CCNY: variants seen among roughly 807,000 people sequenced by gnomAD.
CCNY encodes cyclin Y.
A neutral mutation model predicts 42.8 loss-of-function variants in CCNY; 19 were observed. That is an observed-to-expected ratio of 0.44 (90% CI 0.31 to 0.65). The LOEUF is 0.65. Ranked by LOEUF, CCNY falls within the 30% of genes least tolerant of loss-of-function variation. CCNY has a pLI of 0.07. For missense variants in CCNY, 370 were observed against 437.3 expected (o/e 0.85, Z 1.37); for synonymous variants, 165 against 162.7 (o/e 1.01, Z -0.11).
chr10:35,500,727 C>G (rs1487951465), intron 2 of CCNY, among the ~76,000 whole-genome samples: 1 of 152,220 alleles, frequency 6.6e-6, no homozygotes, highest in African/African-American at 2.4e-5. Context: ...ACAAGCTCTT[C>G]GTGTTCCCTG....
At chr10:35,344,913 T>G (rs1836266259) in intron 1 of CCNY, among the ~76,000 whole-genome samples, 1 of 152,232 alleles carries the variant, frequency 6.6e-6, no homozygotes, top group Admixed American at 6.5e-5. Flanking sequence ...ACTCATCATT[T>G]TTTATGGCTG....
intron 2 of CCNY, among the ~76,000 whole-genome samples, chr10:35,499,123 G>GTT (rs113523676): frequency 6.2e-4 from 93 of 149,124 alleles, no homozygotes; most frequent in African/African-American, 2.2e-3. Flanking sequence ...GTCTGCTGTA[G>GTT]TTTTTTTTTT....
At chr10:35,544,660 T>C (rs1589195438) in intron 7 of CCNY, among the ~76,000 whole-genome samples, 1 of 152,164 alleles carries the variant, frequency 6.6e-6, no homozygotes, top group Non-Finnish European at 1.5e-5. Context: ...TTAGCACATA[T>C]CAAAATTCCA....
Position 35,569,142 on chromosome 10 carries a change from C to A in CCNY, c.998C>A (p.Pro333His). 1 of 1,610,996 alleles carries A rather than the reference C, an allele frequency of 6.2e-7. No homozygotes were observed. Among genetic ancestry groups the A allele is most frequent in the Admixed American group, 1.7e-5 (1 of 60,034 alleles). Residue 333 changes from proline (P) to histidine (H), a missense_variant, in exon 10 of 10, where the codon CCC (proline) becomes CAC (histidine). Around this residue, in one of 2 missense-constraint regions of CCNY, gnomAD observed 234 missense variants for 313.1 expected, o/e 0.75. Transcript: ENST00000374704. ...GCCAGTGCAGACAACCTGACTCTGCCCCGGTGGTCCCCAGCCATCATCTCT... is the reference window on the plus strand; with the variant it reads ...GCCAGTGCAGACAACCTGACTCTGCACCGGTGGTCCCCAGCCATCATCTCT... ...RSASADNLTLPRWSPAIIS is the reference protein window; with the variant it reads ...RSASADNLTLHRWSPAIIS
intron 1 of CCNY, among the ~76,000 whole-genome samples, chr10:35,408,495 A>T (rs1446995049): frequency 6.7e-6 from 1 of 149,770 alleles, no homozygotes; most frequent in Non-Finnish European, 1.5e-5. Flanking sequence ...GATCTCGCAC[A>T]TTCTCAAGGG....
At position 35,570,150 on chromosome 10, in the gene CCNY, AT is replaced by A. The variant is rs1334107653; in HGVS notation, c.*982del. The A allele has an allele frequency of 1.3e-5, 2 of 152,764 alleles. No individual in the cohort carries two copies. Among genetic ancestry groups the A allele is most frequent in the Non-Finnish European group, 2.9e-5 (2 of 68,038 alleles). 9.5% of individuals were successfully genotyped at this position (152,764 alleles called of 1,614,324 possible). The stretch of plus-strand genomic sequence containing the variant: ...TTCCAAGTCCATTGTTGCAAGCAAT[AT>A]TCTTCTCAATTTTTATATGTTTACT... On this transcript the variant is annotated 3_prime_UTR_variant, in exon 10 of 10. Transcript: ENST00000374704.
At chr10:35,337,895 C>T (rs964369105) in intron 1 of CCNY, among the ~76,000 whole-genome samples, 1 of 152,028 alleles carries the variant, frequency 6.6e-6, no homozygotes, top group African/African-American at 2.4e-5. Context: ...ATTCAGGTGA[C>T]TTTTGGTTGG....
intron 3 of CCNY, among the ~76,000 whole-genome samples, chr10:35,292,840 C>T (rs1418923817): frequency 1.5e-5 from 2 of 133,460 alleles, no homozygotes; most frequent in African/African-American, 2.9e-5. Context: ...GGCTGGAGTG[C>T]GATGGAGCGA....
At chr10:35,369,343 A>G (rs186625179) in intron 1 of CCNY, among the ~76,000 whole-genome samples, 4 of 152,280 alleles carry the variant, frequency 2.6e-5, no homozygotes, top group African/African-American at 7.2e-5. Flanking sequence ...GGGCATGAAC[A>G]TTGTTTGGTT....
chr10:35,530,271 A>G lies in CCNY; in HGVS notation c.579+28A>G, dbSNP rs780132666. 14 of 1,613,604 alleles carry G rather than the reference A, an allele frequency of 8.7e-6. No individual in the cohort carries two copies. In the South Asian group the frequency reaches 1.3e-4, roughly 15 times the overall value. On this transcript the variant is annotated intron_variant, in intron 7 of 9. Coordinates refer to ENST00000374704, the MANE Select transcript of CCNY (RefSeq NM_145012.6). This position sits in a 1 kb window ranked among gnomAD's most constrained non-coding sequence, Gnocchi z 4.3. ...GAGTGCCCTCAGGATGGCCACACCC[A>G]TCCCCAGCCGAGGTGGTCCAGGGCC...
chr10:35,335,921 CACA>C (rs796507417), upstream of CCNY: 514 of 152,298 alleles, frequency 3.4e-3, 4 homozygotes, highest in Admixed American at 9.4e-3. Flanking sequence ...CACACACACA[CACA>C]CACCTTAGCC....
chr10:35,409,382 C>T (rs1837854114), intron 1 of CCNY, among the ~76,000 whole-genome samples: 1 of 152,282 alleles, frequency 6.6e-6, no homozygotes, highest in East Asian at 1.9e-4. Context: ...AGTGTGGGTA[C>T]CAGCTGTGGT....
At position 35,286,787 on chromosome 10, in the gene CCNY, G is replaced by T. The variant is rs140013946; in HGVS notation, c.-9+36161G>T. ...AGATCTTCTCATCTCAGTCTCCTAA[G>T]TCGCTGGAATTACAGGTGAGCACCA... is the stretch of plus-strand genomic sequence containing the variant. On this transcript the variant is annotated intron_variant, in intron 3 of 11. Transcript: ENST00000374706. Among the ~76,000 whole-genome samples, 223 of 150,652 alleles carry T rather than the reference G, an allele frequency of 1.5e-3. 1 individual carries two copies. The East Asian group carries it at 0.035, about 24-fold the overall frequency.
chr10:35,449,787 C>A, intron 1 of CCNY: 5 of 985,290 alleles, frequency 5.1e-6, no homozygotes, highest in Non-Finnish European at 6.0e-6. Flanking sequence ...TTCTCCTGGC[C>A]TCTGTCTTCT....
At chr10:35,457,628 T>C (rs1839065777) in intron 1 of CCNY, among the ~76,000 whole-genome samples, 1 of 152,056 alleles carries the variant, frequency 6.6e-6, no homozygotes, top group African/African-American at 2.4e-5. Flanking sequence ...TCGCCCAAGC[T>C]GGAGTGCAGT....
At chr10:35,256,829 A>G (rs1173508299) in intron 3 of CCNY, among the ~76,000 whole-genome samples, 1 of 152,078 alleles carries the variant, frequency 6.6e-6, no homozygotes, top group Non-Finnish European at 1.5e-5. Context: ...ACATGTTTAT[A>G]ATGTGCTGCC....
chr10:35,257,315 GTT>G (rs544963288), intron 3 of CCNY, among the ~76,000 whole-genome samples: 2 of 88,796 alleles, frequency 2.3e-5, no homozygotes, highest in African/African-American at 4.2e-5. Context: ...CTTTCTTTCT[GTT>G]TTTTTTTTTG....
intron 1 of CCNY, among the ~76,000 whole-genome samples, chr10:35,407,754 G>A (rs1052105297): frequency 2.0e-5 from 3 of 152,036 alleles, no homozygotes; most frequent in Non-Finnish European, 4.4e-5. Flanking sequence ...TAGTGAAGGA[G>A]GCAAGTTTAA....
intron 8 of CCNY, among the ~76,000 whole-genome samples, chr10:35,554,364 G>C (rs558228424): frequency 6.6e-6 from 1 of 152,250 alleles, no homozygotes; most frequent in Non-Finnish European, 1.5e-5. Flanking sequence ...TTCATCCTGT[G>C]TCTTTAGTTC....
Sources: allele counts gnomAD v4.1 joint callset (sites outside exome capture counted in the v4.1 genomes callset), GRCh38; gene constraint gnomAD v4.1.1; regional missense constraint gnomAD v4.1.1; non-coding constraint Gnocchi (gnomAD v3.1); transcripts MANE v1.5; gene names NCBI Gene and HGNC (gene_info 2026-07-23, HGNC 2026-07-21).